The following LRRTM4 variants were observed in gnomAD, a reference collection of about 807,000 sequenced individuals.
The protein encoded by LRRTM4 is leucine-rich repeat transmembrane neuronal protein 4.
Under a neutral mutation model 47.6 loss-of-function variants are expected in LRRTM4, and 25 were observed. The ratio of observed to expected loss-of-function variants is 0.53; its 90% CI spans 0.38 to 0.73. The LOEUF (loss-of-function observed/expected upper bound fraction) is 0.73, where lower values mean the gene tolerates loss of function less well. LRRTM4 is among the 30% of genes least tolerant of loss of function. LRRTM4 has a pLI of 0.00. For synonymous variants in LRRTM4, 311 were observed against 269.5 expected, an observed-to-expected ratio of 1.15 and a Z score of -1.51; for missense variants, 638 against 713.4, an observed-to-expected ratio of 0.89 and a Z score of 1.20.
At chr2:77,389,280 T>C (rs1298646400) in intron 3 of LRRTM4, among the ~76,000 whole-genome samples, 2 of 152,104 alleles carry the variant, frequency 1.3e-5, no homozygotes, top group Non-Finnish European at 2.9e-5. Context: ...TGAAAACTGC[T>C]TGATTTTGTT....
chr2:77,484,764 G>A (rs1368185485), intron 3 of LRRTM4, among the ~76,000 whole-genome samples: 1 of 151,796 alleles, frequency 6.6e-6, no homozygotes, highest in Non-Finnish European at 1.5e-5. Context: ...AAAGTTTTCA[G>A]GTTTTTTTTC....
At chr2:77,168,755 T>A (rs1041893439) in intron 3 of LRRTM4, among the ~76,000 whole-genome samples, 4 of 152,104 alleles carry the variant, frequency 2.6e-5, no homozygotes, top group Non-Finnish European at 4.4e-5. Context: ...CTCCATGTGG[T>A]AAACTTTTCA....
intron 3 of LRRTM4, among the ~76,000 whole-genome samples, chr2:76,753,632 G>T (rs983063801): frequency 2.0e-5 from 3 of 152,060 alleles, no homozygotes; most frequent in Non-Finnish European, 4.4e-5. Context: ...AGAGAAGTTA[G>T]GGAGAGAGCG....
chr2:76,755,512 CAAG>C, intron 3 of LRRTM4, among the ~76,000 whole-genome samples: 1 of 152,042 alleles, frequency 6.6e-6, no homozygotes, highest in African/African-American at 2.4e-5. Context: ...GAAACTTCTG[CAAG>C]ACAGAGAGGA....
chr2:76,918,149 CA>C (rs1330385503), intron 3 of LRRTM4, among the ~76,000 whole-genome samples: 1 of 152,002 alleles, frequency 6.6e-6, no homozygotes, highest in Non-Finnish European at 1.5e-5. Context: ...AATAAAGTAC[CA>C]AAAATTGTCA....
intron 3 of LRRTM4, among the ~76,000 whole-genome samples, chr2:77,066,451 T>C (rs1400033640): frequency 6.6e-6 from 1 of 152,220 alleles, no homozygotes; most frequent in African/African-American, 2.4e-5. Flanking sequence ...TCAAGTTATC[T>C]AAGTTAATTC....
intron 3 of LRRTM4, among the ~76,000 whole-genome samples, chr2:77,205,139 T>C (rs572934296): frequency 6.6e-6 from 1 of 152,374 alleles, no homozygotes; most frequent in East Asian, 1.9e-4. Flanking sequence ...CAACACTTAA[T>C]GATGTATTTA....
intron 3 of LRRTM4, among the ~76,000 whole-genome samples, chr2:76,812,750 C>T (rs930978053): frequency 3.1e-5 from 4 of 127,932 alleles, no homozygotes; most frequent in African/African-American, 1.3e-4. Context: ...TCCTCCTCTC[C>T]CTCCTTCTCC....
At chr2:77,148,232 G>T (rs1672310892) in intron 3 of LRRTM4, among the ~76,000 whole-genome samples, 2 of 152,106 alleles carry the variant, frequency 1.3e-5, no homozygotes, top group African/African-American at 4.8e-5. Context: ...GTTGATTTCA[G>T]CTTGGCAAAT....
At chr2:76,846,476 T>C (rs1446853725) in intron 3 of LRRTM4, among the ~76,000 whole-genome samples, 1 of 152,224 alleles carries the variant, frequency 6.6e-6, no homozygotes, top group Non-Finnish European at 1.5e-5. Context: ...ATTTTACATG[T>C]ATATGTACAT....
intron 3 of LRRTM4, among the ~76,000 whole-genome samples, chr2:77,434,940 T>G (rs899098748): frequency 6.6e-6 from 1 of 152,146 alleles, no homozygotes; most frequent in African/African-American, 2.4e-5. Context: ...TTCCACCTCC[T>G]ACTTTAGAGG....
intron 3 of LRRTM4, among the ~76,000 whole-genome samples, chr2:77,113,654 A>T (rs914971711): frequency 6.6e-6 from 1 of 152,094 alleles, no homozygotes; most frequent in Non-Finnish European, 1.5e-5. Flanking sequence ...TTGGGGGAGC[A>T]GAAGAGGCAG....
intron 3 of LRRTM4, among the ~76,000 whole-genome samples, chr2:77,321,553 G>T (rs983367806): frequency 1.4e-5 from 1 of 71,256 alleles, no homozygotes; most frequent in African/African-American, 1.0e-4. Flanking sequence ...AAATCGGGGA[G>T]GGGGGGGGGT....
At chr2:77,401,364 CTAT>C (rs1429698140) in intron 3 of LRRTM4, among the ~76,000 whole-genome samples, 1 of 151,976 alleles carries the variant, frequency 6.6e-6, no homozygotes, top group Non-Finnish European at 1.5e-5. Context: ...CCTTGGTGAA[CTAT>C]TTCTTGACTA....
At chr2:77,040,256 C>CAT (rs147547351) in intron 3 of LRRTM4, among the ~76,000 whole-genome samples, 1,689 of 150,734 alleles carry the variant, frequency 0.011, 39 homozygotes, top group African/African-American at 0.038. Flanking sequence ...TGTTCTACAA[C>CAT]ATATATATAT....
At chr2:77,288,626 G>T (rs557496393) in intron 3 of LRRTM4, among the ~76,000 whole-genome samples, 1 of 152,020 alleles carries the variant, frequency 6.6e-6, no homozygotes, top group Admixed American at 6.6e-5. Context: ...TCATAAGCAC[G>T]CATCCAGGCA....
intron 3 of LRRTM4, among the ~76,000 whole-genome samples, chr2:77,435,551 G>A (rs1187024315): frequency 6.6e-6 from 1 of 152,004 alleles, no homozygotes; most frequent in African/African-American, 2.4e-5. Flanking sequence ...TTTGTTTAAA[G>A]GTCATGCAAA....
At chr2:76,887,533 T>C (rs1360450809) in intron 3 of LRRTM4, among the ~76,000 whole-genome samples, 1 of 142,410 alleles carries the variant, frequency 7.0e-6, no homozygotes, top group Non-Finnish European at 1.5e-5. Flanking sequence ...TGTGATTTTT[T>C]ATCTCCCATT....
intron 3 of LRRTM4, among the ~76,000 whole-genome samples, chr2:77,034,417 A>T (rs998206779): frequency 3.3e-5 from 5 of 151,928 alleles, no homozygotes; most frequent in African/African-American, 9.7e-5. Flanking sequence ...TTTAATATCA[A>T]TATGCACATT....
Sources: allele counts gnomAD v4.1 joint callset (sites outside exome capture counted in the v4.1 genomes callset), GRCh38; gene constraint gnomAD v4.1.1; transcripts MANE v1.5; gene names NCBI Gene and HGNC (gene_info 2026-07-23, HGNC 2026-07-21).